Variants in LRRTM4 observed in about 807,000 individuals in gnomAD.
LRRTM4 encodes the protein leucine-rich repeat transmembrane neuronal protein 4.
A neutral mutation model predicts 47.6 loss-of-function variants in LRRTM4; 25 were observed. That is an observed-to-expected ratio of 0.53 (90% CI 0.38 to 0.73). The LOEUF is 0.73. LRRTM4 is among the 30% of genes least tolerant of loss of function. The pLI, the probability that LRRTM4 is intolerant of heterozygous loss-of-function variation, is 0.00. For synonymous variants in LRRTM4, 311 were observed against 269.5 expected (o/e 1.15, Z -1.51); for missense variants, 638 against 713.4 (o/e 0.89, Z 1.20).
chr2:77,235,629 G>T (rs1410503666), intron 3 of LRRTM4, among the ~76,000 whole-genome samples: 1 of 152,024 alleles, frequency 6.6e-6, no homozygotes, highest in East Asian at 1.9e-4. Context: ...GTTTTGTTCT[G>T]GGATTCTCAT....
chr2:77,491,890 AC>A (rs1678177891), intron 3 of LRRTM4, among the ~76,000 whole-genome samples: 1 of 152,106 alleles, frequency 6.6e-6, no homozygotes, highest in Non-Finnish European at 1.5e-5. Flanking sequence ...CAAGACATAG[AC>A]TTTCTGAAAT....
intron 3 of LRRTM4, among the ~76,000 whole-genome samples, chr2:77,259,974 G>C (rs780517890): frequency 1.3e-5 from 2 of 152,020 alleles, no homozygotes; most frequent in Non-Finnish European, 1.5e-5. Context: ...AGAAAGGAAA[G>C]GAGAGTGCAT....
At chr2:77,348,046 CACAT>C (rs1671632819) in intron 3 of LRRTM4, among the ~76,000 whole-genome samples, 1 of 151,310 alleles carries the variant, frequency 6.6e-6, no homozygotes, top group African/African-American at 2.4e-5. Context: ...CACACACACA[CACAT>C]ATTTACTTAT....
chr2:77,139,920 A>T (rs908137278), intron 3 of LRRTM4, among the ~76,000 whole-genome samples: 8 of 152,196 alleles, frequency 5.3e-5, no homozygotes, highest in African/African-American at 1.7e-4. Context: ...CTTACAAGGG[A>T]TGTGAAGGAC....
At chr2:77,288,123 G>T (rs1676715133) in intron 3 of LRRTM4, among the ~76,000 whole-genome samples, 2 of 151,880 alleles carry the variant, frequency 1.3e-5, no homozygotes, top group African/African-American at 4.8e-5. Flanking sequence ...ATTCTAGAAG[G>T]AAAACACAGA....
At chr2:76,883,569 C>T (rs62170282) in intron 3 of LRRTM4, among the ~76,000 whole-genome samples, 1 of 152,026 alleles carries the variant, frequency 6.6e-6, no homozygotes, top group African/African-American at 2.4e-5. Context: ...AAAGCTAGGA[C>T]AGAGGAACTG....
chr2:77,241,112 T>TCAAAGAA (rs1379057427), intron 3 of LRRTM4, among the ~76,000 whole-genome samples: 1 of 150,842 alleles, frequency 6.6e-6, no homozygotes, highest in African/African-American at 2.4e-5. Context: ...TTTTGAAAAA[T>TCAAAGAA]CAAAGAACAA....
chr2:77,390,825 T>C (rs1673475674), intron 3 of LRRTM4, among the ~76,000 whole-genome samples: 1 of 151,828 alleles, frequency 6.6e-6, no homozygotes, highest in African/African-American at 2.4e-5. Context: ...GATGAAAATA[T>C]ATTTCATATA....
chr2:76,876,251 T>C (rs987404062), intron 3 of LRRTM4, among the ~76,000 whole-genome samples: 2 of 152,174 alleles, frequency 1.3e-5, no homozygotes, highest in Admixed American at 1.3e-4. Context: ...TGTTCTTTTA[T>C]AATATCTCAA....
chr2:76,797,204 G>A (rs920363624), intron 3 of LRRTM4, among the ~76,000 whole-genome samples: 1 of 151,962 alleles, frequency 6.6e-6, no homozygotes, highest in Admixed American at 6.6e-5. Context: ...AATGTTAAGG[G>A]CAGCCAGAGA....
chr2:76,827,193 A>T (rs2103880663), intron 3 of LRRTM4, among the ~76,000 whole-genome samples: 1 of 151,922 alleles, frequency 6.6e-6, no homozygotes, highest in Non-Finnish European at 1.5e-5. Context: ...AGTCCCTATG[A>T]CATTATTTTC....
rs1558706269 is a variant in LRRTM4, at chr2:77,360,522, G to GATACA, written c.1551+157795_1551+157796insTGTAT. 6.9e-5 allele frequency among the ~76,000 whole-genome samples: 10 copies of GATACA among 144,046 alleles called. 1 individual carries two copies. Among genetic ancestry groups the GATACA allele is most frequent in the African/African-American group, 2.6e-4 (10 of 38,278 alleles). The allele number at this position is 144,046 out of a possible 152,430, so 94.5% of individuals were successfully genotyped here. On this transcript the variant is annotated intron_variant, in intron 3 of 3. Coordinates refer to ENST00000409884, the MANE Select transcript of LRRTM4 (RefSeq NM_001134745.3). The stretch of plus-strand genomic sequence containing the variant: ...GATACGATACGATACGATACGATAC[G>GATACA]ATACGATACGATACAATACAATCAT...
chr2:76,932,619 T>C (rs1343991319), intron 3 of LRRTM4, among the ~76,000 whole-genome samples: 1 of 152,114 alleles, frequency 6.6e-6, no homozygotes, highest in Non-Finnish European at 1.5e-5. Flanking sequence ...ATTTTCTATG[T>C]ATTTTCTAAA....
At chr2:77,330,223 G>A (rs1670920100) in intron 3 of LRRTM4, among the ~76,000 whole-genome samples, 1 of 152,140 alleles carries the variant, frequency 6.6e-6, no homozygotes, top group Non-Finnish European at 1.5e-5. Context: ...CATTTGTTCA[G>A]TGCAGAATAG....
intron 2 of LRRTM4, among the ~76,000 whole-genome samples, chr2:77,520,797 A>G (rs1679457940): frequency 6.6e-6 from 1 of 151,928 alleles, no homozygotes; most frequent in African/African-American, 2.4e-5. Context: ...TTAACTTCAG[A>G]AAGCCTGCAA....
intron 3 of LRRTM4, among the ~76,000 whole-genome samples, chr2:77,208,603 A>G (rs2103917114): frequency 6.6e-6 from 1 of 152,168 alleles, no homozygotes; most frequent in South Asian, 2.1e-4. Flanking sequence ...CATATATATG[A>G]AGTCACACAT....
At chr2:77,356,163 T>C (rs1252020239) in intron 3 of LRRTM4, among the ~76,000 whole-genome samples, 1 of 152,086 alleles carries the variant, frequency 6.6e-6, no homozygotes, top group African/African-American at 2.4e-5. Context: ...AATGAGATAA[T>C]AGATTAATTG....
chr2:76,806,983 T>G (rs1676000709), intron 3 of LRRTM4, among the ~76,000 whole-genome samples: 1 of 152,258 alleles, frequency 6.6e-6, no homozygotes, highest in East Asian at 1.9e-4. Context: ...TAAAAATTAA[T>G]GAGACATCAA....
At chr2:77,104,108 ACCTT>A (rs921331237) in intron 3 of LRRTM4, among the ~76,000 whole-genome samples, 9 of 152,018 alleles carry the variant, frequency 5.9e-5, no homozygotes, top group African/African-American at 9.7e-5. Context: ...AGTTCACACC[ACCTT>A]CCTTCAGTTG....
Sources: gnomAD v4.1 joint callset for allele counts (sites outside exome capture counted in the v4.1 genomes callset) on GRCh38, gnomAD v4.1.1 for gene constraint, MANE v1.5 for transcripts, NCBI Gene and HGNC (gene_info 2026-07-23, HGNC 2026-07-21) for gene names.